The following MITF variants were observed in gnomAD, a reference collection of about 807,000 sequenced individuals.
The protein encoded by MITF is melanocyte inducing transcription factor.
MITF carries 17 observed loss-of-function variants against 60.5 expected under a neutral mutation model. That is an observed-to-expected ratio of 0.28 (90% CI 0.19 to 0.42). The LOEUF is 0.42. Among genes scored for constraint, MITF ranks in the 10% least tolerant of loss-of-function variants. MITF has a pLI of 1.00. For synonymous variants in MITF, 260 were observed against 248.5 expected (o/e 1.05, Z -0.43); for missense variants, 622 against 683.5 (o/e 0.91, Z 1.00).
In MITF at chr3:69,814,525, C is replaced by T. The variant is rs148951224; in HGVS notation, c.105-64609C>T. 2.9e-4 allele frequency among the ~76,000 whole-genome samples: 44 copies of T among 152,144 alleles called. No individual in the cohort carries two copies. In the East Asian group the frequency reaches 8.1e-3, roughly 28 times the overall value. ...TTAATGTTTTGTAGAAACGGAGTCT[C>T]CCTGTGTTGCCCAGGCTGGTCTCAA... On this transcript the variant is annotated intron_variant, in intron 1 of 9. Coordinates refer to ENST00000352241, the MANE Select transcript of MITF (RefSeq NM_001354604.2).
rs547651104 is a variant in MITF at position 69,767,946 on chromosome 3, A to G, written c.104+28245A>G. 1.4e-4 allele frequency among the ~76,000 whole-genome samples: 21 copies of G among 152,350 alleles called. No homozygotes were observed. The South Asian group carries it at 3.9e-3, about 29-fold the overall frequency. On this transcript the variant is annotated intron_variant, in intron 1 of 9. Transcript: ENST00000352241. Reference sequence around the variant, plus strand: ...AAAAACCTTGTTAAAGATTTCAAGGACAGTGAGGACAAAAGTAAGGCTATA... The same window carrying G: ...AAAAACCTTGTTAAAGATTTCAAGGGCAGTGAGGACAAAAGTAAGGCTATA...
intron 1 of MITF, among the ~76,000 whole-genome samples, chr3:69,804,484 C>G (rs1372631518): frequency 6.6e-6 from 1 of 152,110 alleles, no homozygotes; most frequent in Non-Finnish European, 1.5e-5. Flanking sequence ...CCTTTTCTCT[C>G]TATAATTCTT....
rs1419745497 is a variant in MITF at position 69,965,093 on chromosome 3, A to G, written c.1426A>G (p.Lys476Glu). ...EANQAYSVPT[K>E]MGSKLEDILM... The stretch of plus-strand genomic sequence containing the variant: ...CAACCAAGCCTATAGTGTCCCCACA[A>G]AAATGGGATCCAAACTGGAAGACAT... Residue 476 changes from lysine to glutamate, a missense_variant, in exon 10 of 10, where the codon AAA (lysine) becomes GAA (glutamate). By Grantham distance (56) the Lys-to-Glu change is moderately conservative (BLOSUM62 1). Around this residue, in one of 5 missense-constraint regions of MITF, gnomAD observed 224 missense variants for 209.5 expected, o/e 1.07. Coordinates refer to ENST00000352241, the MANE Select transcript of MITF (RefSeq NM_001354604.2). The G allele has an allele frequency of 6.2e-7, 1 of 1,614,132 alleles. No homozygotes were observed. Among genetic ancestry groups the G allele is most frequent in the Admixed American group, 1.7e-5 (1 of 60,018 alleles).
At chr3:69,790,012 A>G (rs1381739223) in intron 1 of MITF, among the ~76,000 whole-genome samples, 1 of 152,190 alleles carries the variant, frequency 6.6e-6, no homozygotes, top group Non-Finnish European at 1.5e-5. Context: ...CCAAGAGTGG[A>G]AGCAACCCAA....
Position 69,815,526 on chromosome 3 carries a change from A to G in MITF, c.105-63608A>G, listed in dbSNP as rs112559700. Among the ~76,000 whole-genome samples, 585 of 152,246 alleles carry G rather than the reference A, an allele frequency of 3.8e-3. 7 individuals are homozygous for G. Among genetic ancestry groups the G allele is most frequent in the African/African-American group, 0.013 (544 of 41,538 alleles). On this transcript the variant is annotated intron_variant, in intron 1 of 9. Transcript: ENST00000352241. ...TCTTTCTTGTGATTTTCTTAATAAC[A>G]TTTTCTTTTCTCCGGCTTACTTTAT... is the stretch of plus-strand genomic sequence containing the variant.
chr3:69,771,630 G>C (rs1043521688), intron 1 of MITF, among the ~76,000 whole-genome samples: 2 of 152,232 alleles, frequency 1.3e-5, no homozygotes, highest in East Asian at 3.8e-4. Context: ...TGGAAAGTAA[G>C]TGTTACCATT....
At chr3:69,939,426 A>G (rs75375903) in intron 4 of MITF, among the ~76,000 whole-genome samples, 2,280 of 152,220 alleles carry the variant, frequency 0.015, 26 homozygotes, top group Middle Eastern at 0.051. Flanking sequence ...TTCTTAAAGT[A>G]CATAAATTTT....
intron 1 of MITF, among the ~76,000 whole-genome samples, chr3:69,858,705 T>C (rs1457134450): frequency 6.6e-6 from 1 of 152,190 alleles, no homozygotes; most frequent in Non-Finnish European, 1.5e-5. Context: ...AGTTATGCAC[T>C]ATGAATATAT....
intron 2 of MITF, among the ~76,000 whole-genome samples, chr3:69,933,095 C>G (rs2065758528): frequency 6.6e-6 from 1 of 152,028 alleles, no homozygotes; most frequent in Admixed American, 6.6e-5. Context: ...GGGAAGATCA[C>G]TTGAGCCCAG....
chr3:69,792,459 T>A (rs1420214118), intron 1 of MITF, among the ~76,000 whole-genome samples: 6 of 152,154 alleles, frequency 3.9e-5, no homozygotes, highest in South Asian at 2.1e-4. Flanking sequence ...ATTTTTTTTT[T>A]AAATTCCAAA....
chr3:69,858,565 G>A (rs1239289908), intron 1 of MITF, among the ~76,000 whole-genome samples: 1 of 152,102 alleles, frequency 6.6e-6, no homozygotes, highest in Non-Finnish European at 1.5e-5. Context: ...CAAAAATTAT[G>A]ATTGACACAC....
At chr3:69,960,120 A>G (rs1178020593) in intron 9 of MITF, among the ~76,000 whole-genome samples, 1 of 151,614 alleles carries the variant, frequency 6.6e-6, no homozygotes, top group African/African-American at 2.4e-5. Flanking sequence ...TGTAGAACAT[A>G]AAAAAAATAA....
chr3:69,845,175 T>C (rs2063708105), intron 1 of MITF, among the ~76,000 whole-genome samples: 3 of 152,138 alleles, frequency 2.0e-5, no homozygotes, highest in African/African-American at 7.2e-5. Flanking sequence ...TAATTTTCCA[T>C]CATTGGTTCA....
At chr3:69,814,273 TATAAGGAAC>T (rs2063146390) in intron 1 of MITF, among the ~76,000 whole-genome samples, 2 of 152,174 alleles carry the variant, frequency 1.3e-5, no homozygotes, top group Admixed American at 1.3e-4. Context: ...TGGTATAGTT[TATAAGGAAC>T]AACTTAAGTA....
At chr3:69,866,109 C>G in intron 1 of MITF, 1 of 1,171,764 alleles carries the variant, frequency 8.5e-7, no homozygotes, top group South Asian at 1.9e-5. Flanking sequence ...ACAGTAGGTA[C>G]TGGATTAAAC....
At chr3:69,781,388 G>A (rs140125815) in intron 1 of MITF, among the ~76,000 whole-genome samples, 650 of 152,116 alleles carry the variant, frequency 4.3e-3, no homozygotes, top group Non-Finnish European at 7.2e-3. Context: ...TTATCATGGC[G>A]CTTTTTGTTC....
At chr3:69,820,373 G>C (rs1001797054) in intron 1 of MITF, among the ~76,000 whole-genome samples, 2 of 152,110 alleles carry the variant, frequency 1.3e-5, no homozygotes, top group Non-Finnish European at 2.9e-5. Context: ...CTTTACTCTG[G>C]AGTAGATCAG....
chr3:69,936,443 C>T (rs1278813688), intron 2 of MITF: 7 of 480,854 alleles, frequency 1.5e-5, no homozygotes, highest in African/African-American at 5.9e-5. Context: ...AAAAGCATGA[C>T]GTCAAGCCAG....
chr3:69,908,530 CT>C (rs1300225725), intron 2 of MITF, among the ~76,000 whole-genome samples: 1 of 152,044 alleles, frequency 6.6e-6, no homozygotes, highest in Non-Finnish European at 1.5e-5. Flanking sequence ...AATCATTATT[CT>C]TTAAATATCA....
Sources: allele counts gnomAD v4.1 joint callset (sites outside exome capture counted in the v4.1 genomes callset), GRCh38; gene constraint gnomAD v4.1.1; regional missense constraint gnomAD v4.1.1; transcripts MANE v1.5; gene names NCBI Gene and HGNC (gene_info 2026-07-23, HGNC 2026-07-21).